ADGRV1: variants seen among roughly 807,000 people sequenced by gnomAD.
ADGRV1 encodes the protein G-protein coupled receptor 98.
Under a neutral mutation model 596.2 loss-of-function variants are expected in ADGRV1, and 359 were observed. That is an observed-to-expected ratio of 0.60 (90% CI 0.55 to 0.66). The LOEUF (loss-of-function observed/expected upper bound fraction) is 0.66, where lower values mean the gene tolerates loss of function less well. Ranked by LOEUF, ADGRV1 falls within the 30% of genes least tolerant of loss-of-function variation. ADGRV1 has a pLI of 0.00. For missense variants in ADGRV1, 7,274 were observed against 7,575.6 expected, an observed-to-expected ratio of 0.96 and a Z score of 1.48; for synonymous variants, 2,681 against 2,679.2, an observed-to-expected ratio of 1.00 and a Z score of -0.02.
rs575506101 is a variant in ADGRV1 at position 90,740,872 on chromosome 5, G to T, written c.10550-4174G>T. On this transcript the variant is annotated intron_variant, in intron 50 of 89. Transcript: ENST00000405460. Reference sequence around the variant, plus strand: ...GCCGGACTGTGCTGGCTTGGGGGAGGGGCAACATAGTCAAAGAGAAACTGT... The same window carrying T: ...GCCGGACTGTGCTGGCTTGGGGGAGTGGCAACATAGTCAAAGAGAAACTGT... Among the ~76,000 whole-genome samples, 4 of 152,200 alleles carry T rather than the reference G, an allele frequency of 2.6e-5. No homozygotes were observed. The South Asian group carries it at 8.3e-4, about 32-fold the overall frequency.
intron 81 of ADGRV1, 62 bp downstream of exon 81, chr5:90,854,263 C>G (rs1222919698): frequency 7.7e-7 from 1 of 1,293,950 alleles, no homozygotes; most frequent in East Asian, 2.5e-5. Flanking sequence ...TACCACTGAG[C>G]CTAATGTTTT....
chr5:90,844,838 CT>C (rs1220931350), intron 78 of ADGRV1, among the ~76,000 whole-genome samples: 1 of 152,154 alleles, frequency 6.6e-6, no homozygotes, highest in African/African-American at 2.4e-5. Flanking sequence ...TTCAGGTCTT[CT>C]ACTTGTTCGT....
intron 83 of ADGRV1, among the ~76,000 whole-genome samples, chr5:90,896,987 T>C (rs1771390554): frequency 6.6e-6 from 1 of 152,208 alleles, no homozygotes; most frequent in South Asian, 2.1e-4. Flanking sequence ...ATGACCTGTA[T>C]GGACAGGTTA....
At chr5:90,893,894 A>G (rs1771060520) in intron 83 of ADGRV1, among the ~76,000 whole-genome samples, 1 of 152,192 alleles carries the variant, frequency 6.6e-6, no homozygotes, top group African/African-American at 2.4e-5. Flanking sequence ...ATGTATTTCC[A>G]ATATTTTAGG....
chr5:91,031,974 G>T (rs1003044211), intron 85 of ADGRV1, among the ~76,000 whole-genome samples: 1 of 152,166 alleles, frequency 6.6e-6, no homozygotes, highest in Non-Finnish European at 1.5e-5. Context: ...TAAATGCTAT[G>T]AAAAAATAAA....
At chr5:90,716,442 T>G (rs760600604) in intron 42 of ADGRV1, 25 bp from the exon 43 acceptor site, 2 of 1,508,984 alleles carry the variant, frequency 1.3e-6, no homozygotes, top group Non-Finnish European at 1.8e-6. Flanking sequence ...TTTCATTTGT[T>G]GCTTTAATAT....
chr5:91,053,286 G>T (rs1292622953), intron 85 of ADGRV1, among the ~76,000 whole-genome samples: 1 of 151,992 alleles, frequency 6.6e-6, no homozygotes, highest in Non-Finnish European at 1.5e-5. Context: ...GTCTCTCTAG[G>T]CCCTTTTTCT....
intron 50 of ADGRV1, among the ~76,000 whole-genome samples, chr5:90,736,914 T>A (rs768460550): frequency 1.3e-5 from 2 of 151,686 alleles, no homozygotes; most frequent in South Asian, 4.1e-4. Context: ...AAAAAACAAT[T>A]CTTAGTTTTA....
At chr5:90,891,715 TAGA>T (rs1770840260) in intron 83 of ADGRV1, among the ~76,000 whole-genome samples, 1 of 151,972 alleles carries the variant, frequency 6.6e-6, no homozygotes, top group Non-Finnish European at 1.5e-5. Context: ...TTTTCACTTT[TAGA>T]AGAATTTCTG....
In ADGRV1 at chr5:90,763,474, A is replaced by G; in HGVS notation, c.12285+5A>G. ...GGGACCCTTCATTTTGATGAGGTATAGTCAGCATTAGCACTCCTGTAATTT... is the reference window on the plus strand; with the variant it reads ...GGGACCCTTCATTTTGATGAGGTATGGTCAGCATTAGCACTCCTGTAATTT... On this transcript the variant is annotated splice_donor_5th_base_variant and intron_variant, in intron 59 of 89. Coordinates refer to ENST00000405460, the MANE Select transcript of ADGRV1 (RefSeq NM_032119.4). The G allele has an allele frequency of 6.2e-7, 1 of 1,602,260 alleles. No individual in the cohort carries two copies. The highest frequency in any genetic ancestry group is 8.5e-7 in the Non-Finnish European group (1 of 1,173,008).
At chr5:90,673,639 T>C (rs1772813138) in intron 22 of ADGRV1, among the ~76,000 whole-genome samples, 1 of 152,124 alleles carries the variant, frequency 6.6e-6, no homozygotes, top group Non-Finnish European at 1.5e-5. Flanking sequence ...GCCTTCTCAA[T>C]ATGCCCTCCT....
At chr5:90,655,313 C>T (rs1401382708) in intron 20 of ADGRV1, 1 of 152,130 alleles carries the variant, frequency 6.6e-6, no homozygotes, top group Admixed American at 6.5e-5. Context: ...ACTTGAGTGT[C>T]CAGCTTCTTT....
At chr5:90,707,152 C>T (rs147889960) in intron 38 of ADGRV1, among the ~76,000 whole-genome samples, 169 of 152,040 alleles carry the variant, frequency 1.1e-3, no homozygotes, top group African/African-American at 3.8e-3. Flanking sequence ...GCACAAAATG[C>T]GATTATGGTT....
intron 21 of ADGRV1, among the ~76,000 whole-genome samples, chr5:90,669,568 TAA>T (rs1314964814): frequency 3.3e-5 from 5 of 152,222 alleles, no homozygotes; most frequent in Admixed American, 1.3e-4. Flanking sequence ...TAAAAAACTT[TAA>T]GTTTACTTGT....
chr5:90,729,587 T>G, intron 49 of ADGRV1, 55 bp from the exon 50 acceptor site: 1 of 1,361,418 alleles, frequency 7.3e-7, no homozygotes, highest in Non-Finnish European at 1.0e-6. Flanking sequence ...TGTAATTTTG[T>G]CATTTTTTTC....
intron 85 of ADGRV1, among the ~76,000 whole-genome samples, chr5:91,008,565 A>G (rs1390508678): frequency 6.6e-6 from 1 of 151,990 alleles, no homozygotes; most frequent in Non-Finnish European, 1.5e-5. Context: ...GTGCAGTGGC[A>G]TGATATCAAC....
At chr5:90,643,745 T>G in intron 13 of ADGRV1, 58 bp from the exon 14 acceptor site, 1 of 1,312,164 alleles carries the variant, frequency 7.6e-7, no homozygotes, top group Non-Finnish European at 1.1e-6. Flanking sequence ...TTTATGTTTT[T>G]AAATTTGTTG....
chr5:90,955,479 T>C (rs1777395735), intron 83 of ADGRV1, among the ~76,000 whole-genome samples: 1 of 152,184 alleles, frequency 6.6e-6, no homozygotes, highest in East Asian at 1.9e-4. Context: ...TGAAATAGAA[T>C]GTGATTTAAA....
chr5:90,950,155 G>T (rs1260419575), intron 83 of ADGRV1, among the ~76,000 whole-genome samples: 1 of 152,098 alleles, frequency 6.6e-6, no homozygotes, highest in Non-Finnish European at 1.5e-5. Context: ...TTATCTCCTG[G>T]ATGAAAAGGA....
Sources: gnomAD v4.1 joint callset for allele counts (sites outside exome capture counted in the v4.1 genomes callset) on GRCh38, gnomAD v4.1.1 for gene constraint, MANE v1.5 for transcripts, NCBI Gene and HGNC (gene_info 2026-07-23, HGNC 2026-07-21) for gene names.